ST3GAL1: variants seen among roughly 807,000 people sequenced by gnomAD.
ST3GAL1 encodes the protein ST3 beta-galactoside alpha-2,3-sialyltransferase 1, also known as CMP-N-acetylneuraminate-beta-galactosamide-alpha-2,3-sialyltransferase 1.
Under a neutral mutation model 34.1 loss-of-function variants are expected in ST3GAL1, and 16 were observed. The ratio of observed to expected loss-of-function variants is 0.47; its 90% CI spans 0.32 to 0.71. The LOEUF (loss-of-function observed/expected upper bound fraction) is 0.71, where lower values mean the gene tolerates loss of function less well. Among genes scored for constraint, ST3GAL1 ranks in the 30% least tolerant of loss-of-function variants. ST3GAL1 has a pLI of 0.04. For synonymous variants in ST3GAL1, 191 were observed against 184.7 expected, an observed-to-expected ratio of 1.03 and a Z score of -0.28; for missense variants, 353 against 447.4, an observed-to-expected ratio of 0.79 and a Z score of 1.90.
intron 3 of ST3GAL1, among the ~76,000 whole-genome samples, chr8:133,497,486 T>G (rs1816994933): frequency 1.7e-5 from 2 of 118,214 alleles, no homozygotes; most frequent in African/African-American, 3.5e-5. Context: ...TTTTTTTTTT[T>G]GTGAGACGGA....
chr8:133,555,394 C>T (rs563877970), intron 1 of ST3GAL1, among the ~76,000 whole-genome samples: 17 of 152,280 alleles, frequency 1.1e-4, no homozygotes, highest in Admixed American at 5.2e-4. Context: ...TTCTCAGCAC[C>T]GTAGTGCAAT....
At chr8:133,501,235 G>C (rs796952404) in intron 2 of ST3GAL1, among the ~76,000 whole-genome samples, 3 of 152,268 alleles carry the variant, frequency 2.0e-5, no homozygotes, top group African/African-American at 7.2e-5. Context: ...TTCTGTGTCT[G>C]TGGGTGGCTA....
rs367691985 is a variant in ST3GAL1, at chr8:133,459,869, G to A, written c.918C>T (p.Ser306=). The stretch of plus-strand genomic sequence containing the variant: ...CCCCCGTCTTGCGAAAAGCCCCCGC[G>A]GATGGGTTGTTCTCCCAGTAGTGGT... ...NWHHYWENNP[S]AGAFRKTGVH... is the part of the protein sequence containing the mutation. The change falls in exon 10 of 10, where the codon TCC becomes TCT. Residue 306 remains serine, a synonymous_variant. Transcript: ENST00000522652. This position sits in a 1 kb window ranked among gnomAD's most constrained non-coding sequence, Gnocchi z 4.7. 14 of 1,614,126 alleles carry A rather than the reference G, an allele frequency of 8.7e-6. No individual in the cohort carries two copies. The highest frequency in any genetic ancestry group is 1.7e-4 in the Middle Eastern group (1 of 6,060).
chr8:133,516,890 G>A (rs934489797), intron 2 of ST3GAL1, among the ~76,000 whole-genome samples: 6 of 152,210 alleles, frequency 3.9e-5, no homozygotes, highest in African/African-American at 1.2e-4. Flanking sequence ...AAGGAATGTC[G>A]TCAAATCAGA....
intron 3 of ST3GAL1, among the ~76,000 whole-genome samples, chr8:133,481,147 T>C (rs1816366340): frequency 6.6e-6 from 1 of 152,260 alleles, no homozygotes; most frequent in Non-Finnish European, 1.5e-5. Context: ...GCAGGCCTGG[T>C]TGCTGTTTGT....
In ST3GAL1 at chr8:133,551,464, A is replaced by AAG. The variant is rs371940007; in HGVS notation, c.-581-5540_-581-5539dup. Among the ~76,000 whole-genome samples the AAG allele has an allele frequency of 6.3e-3, 943 of 150,698 alleles. 17 individuals are homozygous for AAG. Among genetic ancestry groups the AAG allele is most frequent in the African/African-American group, 0.022 (899 of 40,788 alleles). On this transcript the variant is annotated intron_variant, in intron 1 of 9. Transcript: ENST00000522652. Reference sequence around the variant, plus strand: ...GCCTGGCAACAGAGTGAGGAAAAGAAAGAGAGAGAGAGAGAAAGAAAGAAA... The same window carrying AAG: ...GCCTGGCAACAGAGTGAGGAAAAGAAAGAGAGAGAGAGAGAGAAAGAAAGAAA...
intron 3 of ST3GAL1, among the ~76,000 whole-genome samples, chr8:133,487,057 C>A (rs1419398967): frequency 6.6e-6 from 1 of 152,206 alleles, no homozygotes; most frequent in Non-Finnish European, 1.5e-5. Context: ...GATTCTCCTG[C>A]CTCAGCCTCT....
At chr8:133,538,805 A>G (rs2131058936) in intron 2 of ST3GAL1, among the ~76,000 whole-genome samples, 1 of 152,350 alleles carries the variant, frequency 6.6e-6, no homozygotes, top group South Asian at 2.1e-4. Context: ...TATTTCCAGC[A>G]TATTGCTTAA....
rs1462906093 is a variant in ST3GAL1 at position 133,571,816 on chromosome 8, C to G, written c.-705G>C. 6.5e-6 allele frequency: 1 copy of G among 153,952 alleles called. No individual in the cohort carries two copies. The highest frequency in any genetic ancestry group is 1.4e-5 in the Non-Finnish European group (1 of 69,316). 9.5% of individuals were successfully genotyped at this position (153,952 alleles called of 1,614,324 possible). On this transcript the variant is annotated 5_prime_UTR_variant, in exon 1 of 10. Coordinates refer to ENST00000522652, the MANE Select transcript of ST3GAL1 (RefSeq NM_173344.3). This position sits in a 1 kb window ranked among gnomAD's most constrained non-coding sequence, Gnocchi z 6.7. ...AGCTCACATCGCCTCTTCCTTCTCT[C>G]TCCGCTCTTCTTCCTCCTCCTCCTC...
chr8:133,487,698 G>A (rs891592843), intron 3 of ST3GAL1, among the ~76,000 whole-genome samples: 1 of 152,240 alleles, frequency 6.6e-6, no homozygotes, highest in Non-Finnish European at 1.5e-5. Context: ...GCTGGGTGTG[G>A]TGGCTCATGC....
intron 1 of ST3GAL1, among the ~76,000 whole-genome samples, chr8:133,550,313 T>C (rs1310500419): frequency 6.6e-6 from 1 of 152,170 alleles, no homozygotes; most frequent in African/African-American, 2.4e-5. Context: ...ACTAAACTCT[T>C]ACCGCTGAAA....
chr8:133,526,578 G>A (rs947304419), intron 2 of ST3GAL1, among the ~76,000 whole-genome samples: 7 of 152,082 alleles, frequency 4.6e-5, no homozygotes, highest in East Asian at 1.9e-4. Flanking sequence ...TATGTGTTAC[G>A]GAGAAACAAA....
At chr8:133,561,076 T>A (rs1819205755) in intron 1 of ST3GAL1, among the ~76,000 whole-genome samples, 1 of 151,094 alleles carries the variant, frequency 6.6e-6, no homozygotes, top group African/African-American at 2.4e-5. Context: ...TTATTTTCTG[T>A]GAAGCCTTAC....
rs1485612430 is a variant in ST3GAL1 at position 133,476,357 on chromosome 8, G to T, written c.-130C>A. Reference sequence around the variant, plus strand: ...GTCTCTCGATCAAGCTTTAACCAGTGATTTCCTTTCACATCCAAAGAAGAT... The same window carrying T: ...GTCTCTCGATCAAGCTTTAACCAGTTATTTCCTTTCACATCCAAAGAAGAT... On this transcript the variant is annotated 5_prime_UTR_variant, in exon 4 of 10. Transcript: ENST00000522652. 9.5e-6 allele frequency: 2 copies of T among 210,208 alleles called. No homozygotes were observed. Among genetic ancestry groups the T allele is most frequent in the African/African-American group, 4.6e-5 (2 of 43,216 alleles). 13.0% of individuals were successfully genotyped at this position (210,208 alleles called of 1,614,324 possible). A position where few individuals can be genotyped will look rare whatever the true frequency, so the allele number is the denominator to read the frequency against.
chr8:133,542,029 A>T (rs531739942), intron 2 of ST3GAL1, among the ~76,000 whole-genome samples: 1 of 152,168 alleles, frequency 6.6e-6, no homozygotes, highest in Non-Finnish European at 1.5e-5. Flanking sequence ...GATCTGAATG[A>T]TGTGTGGATA....
intron 3 of ST3GAL1, among the ~76,000 whole-genome samples, chr8:133,477,735 C>T (rs749204925): frequency 6.6e-6 from 1 of 152,104 alleles, no homozygotes; most frequent in African/African-American, 2.4e-5. Flanking sequence ...TATGGTACAA[C>T]TGTGGTTGCA....
chr8:133,570,295 A>G lies in ST3GAL1; in HGVS notation c.-582+1398T>C, dbSNP rs1022873625. The G allele has an allele frequency of 1.3e-5, 2 of 152,252 alleles. No homozygotes were observed. Among genetic ancestry groups the G allele is most frequent in the African/African-American group, 2.4e-5 (1 of 41,470 alleles). 9.4% of individuals were successfully genotyped at this position (152,252 alleles called of 1,614,324 possible). A position where few individuals can be genotyped will look rare whatever the true frequency, so the allele number is the denominator to read the frequency against. ...CGGGAGAGGCCAGGGGTGCCCGGAA[A>G]CAATCACGAGAAAGCCGGGCGAATG... On this transcript the variant is annotated intron_variant, in intron 1 of 9. Coordinates refer to ENST00000522652, the MANE Select transcript of ST3GAL1 (RefSeq NM_173344.3). The surrounding 1 kb of genome is among the most constrained non-coding windows in gnomAD (Gnocchi z 5.6).
At chr8:133,491,643 G>A (rs577508222) in intron 3 of ST3GAL1, among the ~76,000 whole-genome samples, 23 of 152,178 alleles carry the variant, frequency 1.5e-4, no homozygotes, top group Non-Finnish European at 2.8e-4. Context: ...AGGAGCTGAG[G>A]GGCAGCCTCT....
intron 2 of ST3GAL1, among the ~76,000 whole-genome samples, chr8:133,515,905 C>T (rs2131019100): frequency 6.6e-6 from 1 of 152,198 alleles, no homozygotes; most frequent in African/African-American, 2.4e-5. Context: ...GGCTGGAGTG[C>T]AGTGCAGTGG....
Sources: gnomAD v4.1 joint callset for allele counts (sites outside exome capture counted in the v4.1 genomes callset) on GRCh38, gnomAD v4.1.1 for gene constraint, Gnocchi (gnomAD v3.1) non-coding constraint, MANE v1.5 for transcripts, NCBI Gene and HGNC (gene_info 2026-07-23, HGNC 2026-07-21) for gene names.